KCNQ5: variants seen among roughly 807,000 people sequenced by gnomAD.
KCNQ5 encodes potassium voltage-gated channel subfamily Q member 5.
In KCNQ5, 30 loss-of-function variants were observed where a neutral mutation model predicts 98.2. The ratio of observed to expected loss-of-function variants is 0.31; its 90% confidence interval spans 0.23 to 0.41. The LOEUF (loss-of-function observed/expected upper bound fraction) is 0.41. KCNQ5 is among the 10% of genes least tolerant of loss of function. The pLI is 1.00. For missense variants in KCNQ5, 835 were observed against 1,182.5 expected, an observed-to-expected ratio of 0.71 and a Z score of 4.31; for synonymous variants, 458 against 449.4, an observed-to-expected ratio of 1.02 and a Z score of -0.24.
intron 1 of KCNQ5, among the ~76,000 whole-genome samples, chr6:72,697,331 A>C (rs950006504): frequency 1.3e-5 from 2 of 152,160 alleles, no homozygotes; most frequent in Non-Finnish European, 2.9e-5. Flanking sequence ...AGTGGGATGC[A>C]AGGGAAGAGG....
intron 1 of KCNQ5, among the ~76,000 whole-genome samples, chr6:72,740,673 T>C (rs988110966): frequency 6.6e-6 from 1 of 152,046 alleles, no homozygotes; most frequent in Non-Finnish European, 1.5e-5. Context: ...ATAGGGTGAA[T>C]GAAGACTTCT....
intron 2 of KCNQ5, among the ~76,000 whole-genome samples, chr6:73,031,361 T>A (rs562122525): frequency 1.2e-4 from 19 of 152,324 alleles, no homozygotes; most frequent in African/African-American, 4.3e-4. Context: ...GCAATTAGTG[T>A]CATAAAGCTG....
At chr6:73,151,262 C>G (rs781058552) in intron 10 of KCNQ5, among the ~76,000 whole-genome samples, 1 of 152,076 alleles carries the variant, frequency 6.6e-6, no homozygotes, top group Non-Finnish European at 1.5e-5. Flanking sequence ...CCAGGAGCAG[C>G]CATTTTCTAT....
chr6:72,962,198 T>C (rs950926919), intron 1 of KCNQ5, among the ~76,000 whole-genome samples: 2 of 101,746 alleles, frequency 2.0e-5, no homozygotes, highest in African/African-American at 6.5e-5. Context: ...TATATATATA[T>C]ATACATATAT....
At chr6:73,051,012 G>A (rs960593853) in intron 3 of KCNQ5, among the ~76,000 whole-genome samples, 1 of 152,054 alleles carries the variant, frequency 6.6e-6, no homozygotes, top group African/African-American at 2.4e-5. Context: ...CTAGTTTTTG[G>A]CTATTACAAA....
At chr6:72,887,196 A>G (rs574532278) in intron 1 of KCNQ5, among the ~76,000 whole-genome samples, 2 of 152,312 alleles carry the variant, frequency 1.3e-5, no homozygotes, top group African/African-American at 4.8e-5. Flanking sequence ...AGAAAGAAAA[A>G]GATGTTTAGT....
chr6:72,912,574 C>G (rs1779984259), intron 1 of KCNQ5, among the ~76,000 whole-genome samples: 1 of 152,104 alleles, frequency 6.6e-6, no homozygotes, highest in African/African-American at 2.4e-5. Flanking sequence ...GCTTGGTGAC[C>G]ATGGGCAAAT....
intron 1 of KCNQ5, among the ~76,000 whole-genome samples, chr6:72,984,049 C>T (rs558436611): frequency 6.6e-6 from 1 of 152,310 alleles, no homozygotes; most frequent in Admixed American, 6.5e-5. Context: ...TGCAGACTAG[C>T]AAATATTGCT....
intron 1 of KCNQ5, among the ~76,000 whole-genome samples, chr6:72,660,593 A>G (rs2154472879): frequency 6.6e-6 from 1 of 152,314 alleles, no homozygotes; most frequent in East Asian, 1.9e-4. Context: ...TGATGGTCCC[A>G]GCAGCATTTC....
intron 1 of KCNQ5, among the ~76,000 whole-genome samples, chr6:72,897,644 C>A (rs1214296731): frequency 6.6e-6 from 1 of 152,016 alleles, no homozygotes; most frequent in Admixed American, 6.6e-5. Context: ...GGTAAACAAA[C>A]AAACGAACAA....
intron 11 of KCNQ5, among the ~76,000 whole-genome samples, chr6:73,178,978 C>A (rs1479398031): frequency 6.6e-6 from 1 of 152,172 alleles, no homozygotes; most frequent in Non-Finnish European, 1.5e-5. Context: ...GTCCCGTGAT[C>A]AATTTCGAGT....
At chr6:72,729,500 C>T (rs1770452789) in intron 1 of KCNQ5, among the ~76,000 whole-genome samples, 1 of 152,132 alleles carries the variant, frequency 6.6e-6, no homozygotes, top group South Asian at 2.1e-4. Flanking sequence ...GTTGGCCAGG[C>T]TGGTCAAACT....
chr6:72,734,040 A>G (rs1322013672), intron 1 of KCNQ5, among the ~76,000 whole-genome samples: 2 of 152,226 alleles, frequency 1.3e-5, no homozygotes, highest in Admixed American at 1.3e-4. Flanking sequence ...TTTGGGCAAT[A>G]AAGTGGCTAC....
At chr6:72,809,300 A>C (rs1775118813) in intron 1 of KCNQ5, among the ~76,000 whole-genome samples, 1 of 148,922 alleles carries the variant, frequency 6.7e-6, no homozygotes, top group African/African-American at 2.5e-5. Context: ...CTAGATGACG[A>C]GTTAGTGGGT....
chr6:73,131,958 T>C (rs1776257313), intron 9 of KCNQ5, among the ~76,000 whole-genome samples: 1 of 152,236 alleles, frequency 6.6e-6, no homozygotes. Context: ...ACTTGTTTAT[T>C]GTTTCCAGAA....
intron 1 of KCNQ5, among the ~76,000 whole-genome samples, chr6:72,885,577 C>T (rs138486386): frequency 6.6e-6 from 1 of 152,152 alleles, no homozygotes; most frequent in Non-Finnish European, 1.5e-5. Flanking sequence ...CTCTGAAAAT[C>T]CTTTTTATAA....
intron 5 of KCNQ5, among the ~76,000 whole-genome samples, chr6:73,081,391 T>G (rs928084979): frequency 6.6e-6 from 1 of 152,196 alleles, no homozygotes. Context: ...CTGAAATAAT[T>G]TAAGAATGGG....
intron 2 of KCNQ5, among the ~76,000 whole-genome samples, chr6:73,038,797 G>GT (rs1437428168): frequency 6.6e-6 from 1 of 151,874 alleles, no homozygotes; most frequent in Non-Finnish European, 1.5e-5. Flanking sequence ...TGGGTATGTA[G>GT]TTTTTGTTTT....
intron 1 of KCNQ5, among the ~76,000 whole-genome samples, chr6:72,967,425 G>A (rs147415448): frequency 4.3e-4 from 66 of 152,196 alleles, no homozygotes; most frequent in African/African-American, 1.4e-3. Context: ...AATCAGTGAG[G>A]AAAATGTATG....
Sources: gnomAD v4.1 joint callset for allele counts (sites outside exome capture counted in the v4.1 genomes callset) on GRCh38, gnomAD v4.1.1 for gene constraint, MANE v1.5 for transcripts, NCBI Gene and HGNC (gene_info 2026-07-23, HGNC 2026-07-21) for gene names.